The following RIPK2 variants were observed in gnomAD, a reference collection of about 807,000 sequenced individuals.
RIPK2 encodes the protein receptor-interacting serine/threonine-protein kinase 2.
Under a neutral mutation model 60.9 loss-of-function variants are expected in RIPK2, and 38 were observed. The observed-to-expected ratio is 0.62, with a 90% confidence interval of 0.48 to 0.82. The LOEUF is 0.82. Ranked by LOEUF, RIPK2 falls within the 40% of genes least tolerant of loss-of-function variation. The pLI is 0.00. For synonymous variants in RIPK2, 225 were observed against 223.4 expected (o/e 1.01, Z -0.06); for missense variants, 518 against 647.0 (o/e 0.80, Z 2.16).
intron 1 of RIPK2, among the ~76,000 whole-genome samples, chr8:89,762,137 G>A (rs1311842609): frequency 1.3e-5 from 2 of 151,892 alleles, no homozygotes; most frequent in African/African-American, 2.4e-5. Context: ...ATAGTGAGCT[G>A]TGATCACACC....
Position 89,769,758 on chromosome 8 carries a change from C to G in RIPK2, c.484-14C>G. 3.9e-6 allele frequency: 6 copies of G among 1,546,128 alleles called. No homozygotes were observed. The highest frequency in any genetic ancestry group is 5.2e-6 in the Non-Finnish European group (6 of 1,149,990). On this transcript the variant is annotated splice_polypyrimidine_tract_variant and intron_variant, in intron 3 of 10. Coordinates refer to ENST00000220751, the MANE Select transcript of RIPK2 (RefSeq NM_003821.6). ...AGAGGAAATTTCTTAATTATTTGCT[C>G]TTGTCCCTTACAGATTGCAGATTTT...
At chr8:89,765,009 G>C (rs1809203319) in intron 2 of RIPK2, among the ~76,000 whole-genome samples, 1 of 152,002 alleles carries the variant, frequency 6.6e-6, no homozygotes, top group Non-Finnish European at 1.5e-5. Context: ...GTGGATGTGG[G>C]TGTAAGTATA....
At chr8:89,758,300 G>A in intron 1 of RIPK2, 67 bp downstream of exon 1, 2 of 1,464,120 alleles carry the variant, frequency 1.4e-6, no homozygotes, top group Non-Finnish European at 9.1e-7. Flanking sequence ...CCCCTGACAA[G>A]CGGGCTCTAG....
At chr8:89,787,930 T>C (rs1809612573) in intron 9 of RIPK2, among the ~76,000 whole-genome samples, 2 of 152,076 alleles carry the variant, frequency 1.3e-5, no homozygotes, top group African/African-American at 4.8e-5. Flanking sequence ...TATAGACAAC[T>C]AGATGATAGG....
At chr8:89,787,265 A>G (rs193099544) in intron 9 of RIPK2, among the ~76,000 whole-genome samples, 1 of 152,262 alleles carries the variant, frequency 6.6e-6, no homozygotes, top group South Asian at 2.1e-4. Context: ...CTAAATAACT[A>G]TTATATGAGA....
At chr8:89,769,447 AAAGT>A (rs1172255039) in intron 3 of RIPK2, among the ~76,000 whole-genome samples, 1 of 151,778 alleles carries the variant, frequency 6.6e-6, no homozygotes, top group African/African-American at 2.4e-5. Context: ...TATGTCATGA[AAAGT>A]AAGGTGTGCA....
At chr8:89,767,355 T>C (rs1809245763) in intron 3 of RIPK2, among the ~76,000 whole-genome samples, 1 of 151,594 alleles carries the variant, frequency 6.6e-6, no homozygotes, top group Non-Finnish European at 1.5e-5. Flanking sequence ...TTATTATAAA[T>C]ATAAAAAATG....
rs140457229 is a variant in RIPK2, at chr8:89,769,927, T to C, written c.639T>C (p.Tyr213=). The part of the protein sequence containing the change: ...KSRASIKHDI[Y]SYAVITWEVL... ...GGGCCAGTATCAAGCACGATATATATAGGTAGAGTAAAGTTGCTTCTGCTC... is the reference window on the plus strand; with the variant it reads ...GGGCCAGTATCAAGCACGATATATACAGGTAGAGTAAAGTTGCTTCTGCTC... Residue 213 remains tyrosine, a splice_region_variant and synonymous_variant, in exon 4 of 11, where the codon TAT becomes TAC. Coordinates refer to ENST00000220751, the MANE Select transcript of RIPK2 (RefSeq NM_003821.6). The C allele has an allele frequency of 5.1e-4, 808 of 1,580,116 alleles. No homozygotes were observed. Among genetic ancestry groups the C allele is most frequent in the Non-Finnish European group, 6.1e-4 (707 of 1,167,006 alleles).
At chr8:89,780,210 A>T (rs1416565109) in intron 7 of RIPK2, 50 bp downstream of exon 7, 1 of 905,224 alleles carries the variant, frequency 1.1e-6, no homozygotes, top group Admixed American at 2.7e-5. Flanking sequence ...ACAACTATAT[A>T]ATATTCATGG....
intron 2 of RIPK2, among the ~76,000 whole-genome samples, chr8:89,764,249 C>A (rs1333483199): frequency 6.6e-6 from 1 of 152,176 alleles, no homozygotes; most frequent in Admixed American, 6.6e-5. Flanking sequence ...TGTTCCACGT[C>A]AGCTTTTTGT....
intron 3 of RIPK2, among the ~76,000 whole-genome samples, chr8:89,768,672 T>A (rs1263628772): frequency 6.6e-6 from 1 of 151,758 alleles, no homozygotes. Flanking sequence ...GTGAATTCAA[T>A]TTTAAAATTC....
rs530693584 is a variant in RIPK2, at chr8:89,778,760, A to G, written c.854-1315A>G. Among the ~76,000 whole-genome samples, 14 of 152,310 alleles carry G rather than the reference A, an allele frequency of 9.2e-5. No individual in the cohort carries two copies. The South Asian group carries it at 2.5e-3, about 27-fold the overall frequency. ...TTTCTACTTGTTGCCTCTGTGAATA[A>G]TGCTGCTATGACTGTTCACATACAA... On this transcript the variant is annotated intron_variant, in intron 6 of 10. Transcript: ENST00000220751.
At chr8:89,773,880 T>C (rs192466894) in intron 6 of RIPK2, among the ~76,000 whole-genome samples, 3 of 152,272 alleles carry the variant, frequency 2.0e-5, no homozygotes, top group African/African-American at 7.2e-5. Flanking sequence ...AATCAGACTT[T>C]GCAAACATTG....
chr8:89,777,026 C>G (rs1809407896), intron 6 of RIPK2, among the ~76,000 whole-genome samples: 1 of 152,122 alleles, frequency 6.6e-6, no homozygotes, highest in Admixed American at 6.5e-5. Flanking sequence ...AGGTGGAACC[C>G]AGTGGACACT....
intron 3 of RIPK2, among the ~76,000 whole-genome samples, chr8:89,766,721 A>T (rs1218099834): frequency 6.6e-6 from 1 of 151,308 alleles, no homozygotes; most frequent in Non-Finnish European, 1.5e-5. Context: ...GTGATATCTC[A>T]TCTTGGTATT....
At chr8:89,763,054 A>G (rs1809171777) in intron 2 of RIPK2, 72 bp downstream of exon 2, 1 of 1,015,230 alleles carries the variant, frequency 9.8e-7, no homozygotes, top group Non-Finnish European at 1.3e-6. Context: ...CTTTGATTTT[A>G]TATTTGGTCA....
Position 89,783,883 on chromosome 8 carries a change from G to A in RIPK2, c.940-167G>A, listed in dbSNP as rs192003051. Reference sequence around the variant, plus strand: ...GTCTGTGTTTCTAAAGTTATTTCCCGTTCTACACTGTCTTTTCCTTCAGTT... The same window carrying A: ...GTCTGTGTTTCTAAAGTTATTTCCCATTCTACACTGTCTTTTCCTTCAGTT... On this transcript the variant is annotated intron_variant, in intron 7 of 10. Coordinates refer to ENST00000220751, the MANE Select transcript of RIPK2 (RefSeq NM_003821.6). 1.2e-3 allele frequency among the ~76,000 whole-genome samples: 176 copies of A among 151,960 alleles called. No individual in the cohort carries two copies. The Middle Eastern group carries it at 0.014, about 12-fold the overall frequency.
chr8:89,779,319 T>TG (rs905043337), intron 6 of RIPK2, among the ~76,000 whole-genome samples: 1 of 129,182 alleles, frequency 7.7e-6, no homozygotes, highest in Non-Finnish European at 1.6e-5. Context: ...GGTTTTTTTT[T>TG]TTTTTTTTTT....
intron 10 of RIPK2, among the ~76,000 whole-genome samples, chr8:89,789,725 G>C (rs1279820032): frequency 6.6e-6 from 1 of 152,304 alleles, no homozygotes; most frequent in East Asian, 1.9e-4. Flanking sequence ...TAATGGTAAA[G>C]TTATTTTTGT....
Sources: gnomAD v4.1 joint callset for allele counts (sites outside exome capture counted in the v4.1 genomes callset) on GRCh38, gnomAD v4.1.1 for gene constraint, MANE v1.5 for transcripts, NCBI Gene and HGNC (gene_info 2026-07-23, HGNC 2026-07-21) for gene names.